PTPN21: variants seen among roughly 807,000 people sequenced by gnomAD.
PTPN21 encodes the protein tyrosine-protein phosphatase non-receptor type 21.
In PTPN21, 77 loss-of-function variants were observed where a neutral mutation model predicts 131.8. The ratio of observed to expected loss-of-function variants is 0.58; its 90% CI spans 0.49 to 0.71. PTPN21 has a LOEUF of 0.71. Ranked by LOEUF, PTPN21 falls within the 30% of genes least tolerant of loss-of-function variation. The pLI is 0.00. For synonymous variants in PTPN21, 715 were observed against 621.3 expected, an observed-to-expected ratio of 1.15 and a Z score of -2.24; for missense variants, 1,552 against 1,527.1, an observed-to-expected ratio of 1.02 and a Z score of -0.27.
At chr14:88,554,301 C>T (rs1338804594) in intron 1 of PTPN21, among the ~76,000 whole-genome samples, 4 of 152,172 alleles carry the variant, frequency 2.6e-5, no homozygotes, top group Admixed American at 6.5e-5. Flanking sequence ...TCCTTCCCTG[C>T]GCCCCTTCTC....
At chr14:88,528,242 A>G (rs193158554) in intron 2 of PTPN21, among the ~76,000 whole-genome samples, 11 of 152,274 alleles carry the variant, frequency 7.2e-5, no homozygotes, top group Non-Finnish European at 1.5e-5. Flanking sequence ...TTTTGGCAAT[A>G]TGGTCATTTT....
chr14:88,468,889 A>G, intron 18 of PTPN21, 27 bp downstream of exon 18: 1 of 1,613,652 alleles, frequency 6.2e-7, no homozygotes, highest in Non-Finnish European at 8.5e-7. Flanking sequence ...CCACCCAAAA[A>G]GGCCAGGTGA....
In PTPN21 at chr14:88,480,043, A is replaced by C; in HGVS notation, c.1388T>G (p.Val463Gly). The C allele has an allele frequency of 6.2e-7, 1 of 1,614,034 alleles. No individual in the cohort carries two copies. Among genetic ancestry groups the C allele is most frequent in the Non-Finnish European group, 8.5e-7 (1 of 1,180,040 alleles). Reference sequence around the variant, plus strand: ...CGAGTGGCTCTGCCGTTCCGCATGCACCAGGCCCCTGTTGAGCTGCTTCAT... The same window carrying C: ...CGAGTGGCTCTGCCGTTCCGCATGCCCCAGGCCCCTGTTGAGCTGCTTCAT... The part of the protein sequence containing the change: ...TVMKQLNRGL[V>G]HAERQSHSLR... Residue 463 changes from valine (V) to glycine (G), a missense_variant, in exon 13 of 19, where the codon GTG becomes GGG. Physicochemically the swap from Val to Gly is moderately radical, Grantham distance 109. Around this residue, in one of 4 missense-constraint regions of PTPN21, gnomAD observed 1,016 missense variants for 883.5 expected, o/e 1.15. Transcript: ENST00000556564.
intron 3 of PTPN21, among the ~76,000 whole-genome samples, chr14:88,514,838 C>T (rs1243440240): frequency 1.3e-5 from 2 of 151,950 alleles, no homozygotes; most frequent in East Asian, 1.9e-4. Context: ...AATTGGCATA[C>T]GAATAAGCTG....
rs2078905582 is a variant in PTPN21, at chr14:88,554,972, C to T, written c.-524G>A. ...CAGACCGTCGGACCGACGCGGGACG[C>T]GCGGCCGGAGCAGCGGGGCGGCCGG... On this transcript the variant is annotated 5_prime_UTR_variant, in exon 1 of 19. Coordinates refer to ENST00000556564, the MANE Select transcript of PTPN21 (RefSeq NM_007039.4). 3.3e-5 allele frequency among the ~76,000 whole-genome samples: 5 copies of T among 151,516 alleles called. No individual in the cohort carries two copies. In the South Asian group the frequency reaches 8.3e-4, roughly 25 times the overall value.
intron 13 of PTPN21, among the ~76,000 whole-genome samples, chr14:88,474,154 AAC>A (rs1263693709): frequency 0.076 from 8,827 of 115,896 alleles, 631 homozygotes; most frequent in East Asian, 0.11. Flanking sequence ...AAAAAAAAAA[AAC>A]AAAAGCTTTA....
At chr14:88,501,482 G>T in intron 6 of PTPN21, 114 bp from the exon 7 acceptor site, 1 of 911,494 alleles carries the variant, frequency 1.1e-6, no homozygotes, top group Non-Finnish European at 1.7e-6. Flanking sequence ...AACATTTCAC[G>T]TTTCTAAGCA....
At chr14:88,521,730 C>T (rs1595396589) in intron 2 of PTPN21, among the ~76,000 whole-genome samples, 1 of 151,886 alleles carries the variant, frequency 6.6e-6, no homozygotes, top group East Asian at 1.9e-4. Context: ...CATTTTTAAC[C>T]AAAATGAAAA....
In PTPN21 at chr14:88,512,616, C is replaced by T. The variant is rs1028776306; in HGVS notation, c.350+4476G>A. The T allele has an allele frequency of 5.3e-5, 8 of 152,322 alleles. No homozygotes were observed. In the East Asian group the frequency reaches 1.5e-3, roughly 29 times the overall value. The allele number at this position is 152,322 out of a possible 1,614,324, so 9.4% of individuals were successfully genotyped here. On this transcript the variant is annotated intron_variant, in intron 3 of 18. Transcript: ENST00000556564. ...ATCATTAGATTTAGAGCAGCACTGT[C>T]TAACAGAACATTCCGCAGTGATAGA...
chr14:88,518,374 A>ATGTGTG (rs1216065156), intron 2 of PTPN21, among the ~76,000 whole-genome samples: 3 of 34,730 alleles, frequency 8.6e-5, no homozygotes, highest in African/African-American at 2.3e-4. Context: ...GTGTGTGTGT[A>ATGTGTG]TGTGTGTGTG....
chr14:88,523,330 G>GA (rs561177629), intron 2 of PTPN21, among the ~76,000 whole-genome samples: 17 of 151,022 alleles, frequency 1.1e-4, no homozygotes, highest in Admixed American at 5.3e-4. Flanking sequence ...TAAGACAAAA[G>GA]AAAAAAAACA....
At chr14:88,494,390 G>T (rs916815679) in intron 10 of PTPN21, among the ~76,000 whole-genome samples, 1 of 152,160 alleles carries the variant, frequency 6.6e-6, no homozygotes, top group East Asian at 1.9e-4. Context: ...AGTAAAATGG[G>T]GCCAGGCCTG....
Position 88,507,158 on chromosome 14 carries a change from G to A in PTPN21, c.448+765C>T, listed in dbSNP as rs547762593. On this transcript the variant is annotated intron_variant, in intron 4 of 18. Transcript: ENST00000556564. ...TAAAAAGAAACCAAACATATGAAGT[G>A]TACTTAAACTGTAAGCGAATATAAC... 1.7e-4 allele frequency among the ~76,000 whole-genome samples: 26 copies of A among 152,196 alleles called. No homozygotes were observed. In the South Asian group the frequency reaches 5.4e-3, roughly 32 times the overall value.
chr14:88,498,105 A>G (rs2077951600), intron 8 of PTPN21, among the ~76,000 whole-genome samples: 1 of 150,962 alleles, frequency 6.6e-6, no homozygotes, highest in Admixed American at 6.6e-5. Context: ...CTGTCTAAAA[A>G]AAAAAAAAAA....
intron 6 of PTPN21, among the ~76,000 whole-genome samples, 162 bp downstream of exon 6, chr14:88,504,263 G>A (rs1012092012): frequency 6.6e-6 from 1 of 152,152 alleles, no homozygotes; most frequent in African/African-American, 2.4e-5. Context: ...CACAGTGAGT[G>A]CTATATAAAT....
intron 2 of PTPN21, among the ~76,000 whole-genome samples, chr14:88,545,973 T>C (rs531119684): frequency 4.6e-5 from 6 of 129,346 alleles, no homozygotes; most frequent in African/African-American, 1.5e-4. Flanking sequence ...GCCTGGGCGA[T>C]AGAGCGAGAC....
chr14:88,542,851 C>T (rs761537783), intron 2 of PTPN21, among the ~76,000 whole-genome samples: 12 of 152,162 alleles, frequency 7.9e-5, no homozygotes, highest in Admixed American at 3.3e-4. Context: ...TTGCTTCAGA[C>T]GGTCCAATAG....
intron 3 of PTPN21, chr14:88,513,494 TC>T (rs1208266996): frequency 3.3e-5 from 5 of 152,230 alleles, no homozygotes; most frequent in Non-Finnish European, 5.9e-5. Flanking sequence ...GGTCAAAATT[TC>T]CAAGCTTTGT....
intron 2 of PTPN21, among the ~76,000 whole-genome samples, chr14:88,527,757 T>C (rs1233564167): frequency 2.6e-5 from 4 of 152,212 alleles, no homozygotes; most frequent in Non-Finnish European, 2.9e-5. Flanking sequence ...ATTTTTCTGA[T>C]GTTATCATTT....
Sources: allele counts gnomAD v4.1 joint callset (sites outside exome capture counted in the v4.1 genomes callset), GRCh38; gene constraint gnomAD v4.1.1; regional missense constraint gnomAD v4.1.1; transcripts MANE v1.5; gene names NCBI Gene and HGNC (gene_info 2026-07-23, HGNC 2026-07-21).